Variants in UBAP2 observed in about 807,000 individuals in gnomAD.
UBAP2 encodes the protein ubiquitin-associated protein 2.
A neutral mutation model predicts 139.6 loss-of-function variants in UBAP2; 75 were observed. That is an observed-to-expected ratio of 0.54 (90% confidence interval 0.45 to 0.65). The LOEUF is 0.65. Ranked by LOEUF, UBAP2 falls within the 30% of genes least tolerant of loss-of-function variation. The probability of loss-of-function intolerance (pLI) is 0.00; values close to 1 mark genes in which losing one functional copy is unlikely to be tolerated. For synonymous variants in UBAP2, 526 were observed against 526.2 expected, an observed-to-expected ratio of 1.00 and a Z score of 0.01; for missense variants, 1,368 against 1,369.6, an observed-to-expected ratio of 1.00 and a Z score of 0.02.
intron 16 of UBAP2, among the ~76,000 whole-genome samples, chr9:33,939,189 CTTT>C (rs72150705): frequency 2.1e-3 from 163 of 78,584 alleles, no homozygotes; most frequent in Admixed American, 0.018. Flanking sequence ...TTTCCTATGT[CTTT>C]TTTTTTTTTT....
chr9:33,945,559 C>T lies in UBAP2; in HGVS notation c.1271-920G>A, dbSNP rs564515341. 2.0e-5 allele frequency among the ~76,000 whole-genome samples: 3 copies of T among 152,286 alleles called. No homozygotes were observed. The East Asian group carries it at 5.8e-4, about 29-fold the overall frequency. On this transcript the variant is annotated intron_variant, in intron 13 of 28. Coordinates refer to ENST00000379238, the MANE Select transcript of UBAP2 (RefSeq NM_001370062.2). ...TATGTATGACGAATATTATGTTTCT[C>T]TTCCACACCACTCTCCCATACTTGC...
At chr9:33,992,257 G>A (rs765289369) in intron 4 of UBAP2, among the ~76,000 whole-genome samples, 1 of 151,502 alleles carries the variant, frequency 6.6e-6, no homozygotes, top group African/African-American at 2.4e-5. Flanking sequence ...GCGTGGTGGC[G>A]CATTCCTGTA....
intron 17 of UBAP2, chr9:33,934,398 G>C (rs1268394699): frequency 6.4e-6 from 1 of 155,678 alleles, no homozygotes; most frequent in African/African-American, 2.4e-5. Context: ...GAGCAACCTT[G>C]ACCCTTCTAA....
intron 11 of UBAP2, among the ~76,000 whole-genome samples, chr9:33,955,207 A>G (rs970864940): frequency 6.6e-6 from 1 of 152,006 alleles, no homozygotes; most frequent in Non-Finnish European, 1.5e-5. Context: ...CAGGTCTACA[A>G]AAGTGAAAAT....
At chr9:34,001,717 G>C (rs1214368139) in intron 2 of UBAP2, among the ~76,000 whole-genome samples, 1 of 152,136 alleles carries the variant, frequency 6.6e-6, no homozygotes. Flanking sequence ...CCTGTATGAA[G>C]AGTTTGCCTG....
chr9:33,933,411 T>C, intron 18 of UBAP2, 79 bp downstream of exon 18: 1 of 1,513,252 alleles, frequency 6.6e-7, no homozygotes, highest in Middle Eastern at 1.9e-4. Context: ...TGTGCTCTGT[T>C]CATGAAAGCA....
chr9:33,993,289 A>G (rs1299823456), intron 4 of UBAP2, among the ~76,000 whole-genome samples: 5 of 152,204 alleles, frequency 3.3e-5, no homozygotes, highest in African/African-American at 9.6e-5. Context: ...GCAACATCAC[A>G]GTGTTTATAT....
chr9:34,024,299 G>A (rs187488331), intron 1 of UBAP2, among the ~76,000 whole-genome samples: 57 of 150,706 alleles, frequency 3.8e-4, no homozygotes, highest in African/African-American at 1.3e-3. Context: ...CCAAAATTGC[G>A]CCATTGCACT....
chr9:33,971,467 G>A (rs963015783), intron 8 of UBAP2, among the ~76,000 whole-genome samples, 184 bp downstream of exon 8: 4 of 152,192 alleles, frequency 2.6e-5, no homozygotes, highest in African/African-American at 9.7e-5. Flanking sequence ...TTGTCATCAT[G>A]AGATTTGTAT....
At position 33,941,719 on chromosome 9, in the gene UBAP2, C is replaced by T. The variant is rs537766757; in HGVS notation, c.1859G>A (p.Ser620Asn). The T allele has an allele frequency of 1.2e-5, 20 of 1,614,096 alleles. No individual in the cohort carries two copies. Among genetic ancestry groups the T allele is most frequent in the South Asian group, 1.1e-4 (10 of 91,084 alleles). The change falls in exon 16 of 29, where the codon AGT (serine) becomes AAT (asparagine). Residue 620 changes from serine to asparagine, a missense_variant. Ser to Asn is a conservative substitution (Grantham distance 46). Transcript: ENST00000379238. ...PVAMSSSYDQ[S>N]SVHNRIPYQS... Reference sequence around the variant, plus strand: ...GTATGGGATCCTGTTATGCACAGAACTCTGGTCATAAGAGGAAGACATTGC... The same window carrying T: ...GTATGGGATCCTGTTATGCACAGAATTCTGGTCATAAGAGGAAGACATTGC...
intron 4 of UBAP2, among the ~76,000 whole-genome samples, chr9:33,990,483 T>C (rs1405416949): frequency 6.6e-6 from 1 of 152,120 alleles, no homozygotes; most frequent in Non-Finnish European, 1.5e-5. Context: ...GAAAAAGATA[T>C]AAATTATGTT....
intron 13 of UBAP2, among the ~76,000 whole-genome samples, chr9:33,947,211 C>A (rs1825717131): frequency 6.6e-6 from 1 of 152,184 alleles, no homozygotes; most frequent in Non-Finnish European, 1.5e-5. Flanking sequence ...GTCTCATGTA[C>A]TTCCAACACA....
At position 33,973,106 on chromosome 9, in the gene UBAP2, T is replaced by C. The variant is rs182504659; in HGVS notation, c.575+77A>G. ...GATTCACCATGATGACTAAATTAGA[T>C]GTAGGGTATTAGAAGCAACTGCAGA... On this transcript the variant is annotated intron_variant, in intron 7 of 28. Coordinates refer to ENST00000379238, the MANE Select transcript of UBAP2 (RefSeq NM_001370062.2). The C allele has an allele frequency of 2.8e-3, 3,438 of 1,244,668 alleles. 5 individuals carry two copies. Among genetic ancestry groups the C allele is most frequent in the Non-Finnish European group, 3.8e-3 (3,206 of 853,672 alleles). 77.1% of individuals were successfully genotyped at this position (1,244,668 alleles called of 1,614,324 possible).
intron 18 of UBAP2, 22 bp downstream of exon 18, chr9:33,933,468 T>G (rs1824180925): frequency 6.2e-7 from 1 of 1,612,332 alleles, no homozygotes; most frequent in African/African-American, 1.3e-5. Flanking sequence ...CTTCTCACTT[T>G]GGGCCCACAC....
chr9:34,008,408 T>C (rs10814059), intron 2 of UBAP2, among the ~76,000 whole-genome samples: 103,064 of 151,164 alleles, frequency 0.68, 35,716 homozygotes, highest in East Asian at 0.82. Context: ...TGAACCAGGA[T>C]GGTGTGTGGA....
chr9:34,019,387 A>G (rs1280023226), intron 1 of UBAP2, among the ~76,000 whole-genome samples: 2 of 152,160 alleles, frequency 1.3e-5, no homozygotes, highest in African/African-American at 4.8e-5. Flanking sequence ...TGGGCGACAG[A>G]GCAAAACTCT....
chr9:33,942,706 CA>C (rs1825336058), intron 15 of UBAP2, among the ~76,000 whole-genome samples: 2 of 142,098 alleles, frequency 1.4e-5, no homozygotes, highest in South Asian at 4.4e-4. Flanking sequence ...CCAGCCTGGA[CA>C]ACAGAGCAAG....
intron 8 of UBAP2, among the ~76,000 whole-genome samples, chr9:33,964,611 G>A (rs1403651586): frequency 2.6e-5 from 4 of 151,700 alleles, no homozygotes; most frequent in Non-Finnish European, 5.9e-5. Flanking sequence ...GATGCAGGAG[G>A]ATCACTTGAG....
Position 33,936,950 on chromosome 9 carries a change from A to C in UBAP2, c.1930-1072T>G, listed in dbSNP as rs111253852. On this transcript the variant is annotated intron_variant, in intron 16 of 28. Transcript: ENST00000379238. ...TCAAAAAAAAAAAAAAAAAAAAAAA[A>C]AACAGTCTGAATAGCCCTCTACCAA... 2.1e-3 allele frequency among the ~76,000 whole-genome samples: 299 copies of C among 143,036 alleles called. 3 individuals are homozygous for C. Among genetic ancestry groups the C allele is most frequent in the African/African-American group, 6.9e-3 (274 of 39,508 alleles). The allele number at this position is 143,036 out of a possible 152,430, so 93.8% of individuals were successfully genotyped here. A position where few individuals can be genotyped will look rare whatever the true frequency, so the allele number is the denominator to read the frequency against.
Sources: allele counts gnomAD v4.1 joint callset (sites outside exome capture counted in the v4.1 genomes callset), GRCh38; gene constraint gnomAD v4.1.1; transcripts MANE v1.5; gene names NCBI Gene and HGNC (gene_info 2026-07-23, HGNC 2026-07-21).